Variants in SLC30A7 observed in about 807,000 individuals in gnomAD.
SLC30A7 encodes solute carrier family 30 member 7, also known as zinc transporter 7.
Under a neutral mutation model 46.0 loss-of-function variants are expected in SLC30A7, and 35 were observed. The ratio of observed to expected loss-of-function variants is 0.76; its 90% CI spans 0.58 to 1.01. The LOEUF is 1.01. Among genes scored for constraint, SLC30A7 ranks in the 50% least tolerant of loss-of-function variants. The probability of loss-of-function intolerance (pLI) is 0.00; values close to 1 mark genes in which losing one functional copy is unlikely to be tolerated. For synonymous variants in SLC30A7, 147 were observed against 157.8 expected, an observed-to-expected ratio of 0.93 and a Z score of 0.51; for missense variants, 464 against 451.1, an observed-to-expected ratio of 1.03 and a Z score of -0.26.
intron 7 of SLC30A7, among the ~76,000 whole-genome samples, chr1:100,921,001 T>C (rs951807464): frequency 6.6e-6 from 1 of 152,118 alleles, no homozygotes; most frequent in Non-Finnish European, 1.5e-5. Flanking sequence ...TAAATGGTTT[T>C]CTGGGCAACT....
chr1:100,948,790 T>C (rs1654787375), intron 8 of SLC30A7, among the ~76,000 whole-genome samples: 1 of 152,232 alleles, frequency 6.6e-6, no homozygotes, highest in South Asian at 2.1e-4. Flanking sequence ...ATTAATTTGA[T>C]CTTTAATCAC....
chr1:100,905,483 T>C (rs1246154108), intron 2 of SLC30A7, among the ~76,000 whole-genome samples: 1 of 152,098 alleles, frequency 6.6e-6, no homozygotes, highest in South Asian at 2.1e-4. Context: ...TTAAATACTT[T>C]TCCTATCCCT....
In SLC30A7 at chr1:100,911,606, A is replaced by G. The variant is rs1294409612; in HGVS notation, c.384+456A>G. ...CACTCTGTTGCCCAAGCTGGAGTGC[A>G]GTGGCGCGATCTCGGCTTACTGCAA... On this transcript the variant is annotated intron_variant, in intron 4 of 10. Transcript: ENST00000357650. 2.0e-5 allele frequency among the ~76,000 whole-genome samples: 3 copies of G among 152,302 alleles called. No individual in the cohort carries two copies. The East Asian group carries it at 5.8e-4, about 29-fold the overall frequency.
chr1:100,956,633 C>G (rs1455442519), intron 8 of SLC30A7, among the ~76,000 whole-genome samples: 2 of 152,116 alleles, frequency 1.3e-5, no homozygotes, highest in African/African-American at 4.8e-5. Context: ...TAGACTAAAC[C>G]TGAATATTCT....
At chr1:100,926,147 C>T (rs569249581) in intron 8 of SLC30A7, among the ~76,000 whole-genome samples, 1 of 152,186 alleles carries the variant, frequency 6.6e-6, no homozygotes, top group African/African-American at 2.4e-5. Flanking sequence ...CTGTAACTTA[C>T]ATAGATACAT....
the SLC30A7 span, chr1:100,992,542 C>T: frequency 1.2e-6 from 1 of 824,684 alleles, no homozygotes. Flanking sequence ...AATACTGACT[C>T]TTGCTTCCAT....
chr1:100,939,565 G>A (rs1654211548), intron 8 of SLC30A7, among the ~76,000 whole-genome samples: 3 of 151,900 alleles, frequency 2.0e-5, no homozygotes, highest in South Asian at 2.1e-4. Context: ...GGCCGGGCGC[G>A]GTGGCTCTCG....
rs548054832 is a variant in SLC30A7, at chr1:100,897,446, A to G, written c.182+775A>G. 6.6e-4 allele frequency among the ~76,000 whole-genome samples: 100 copies of G among 152,266 alleles called. 1 individual carries two copies. The highest frequency in any genetic ancestry group is 6.5e-4 in the Admixed American group (10 of 15,296). ...CTAGGTGTACTAATTCTGTCTTTAGATCCCATACTCCTTCAAAAATCTGAT... is the reference window on the plus strand; with the variant it reads ...CTAGGTGTACTAATTCTGTCTTTAGGTCCCATACTCCTTCAAAAATCTGAT... On this transcript the variant is annotated intron_variant, in intron 2 of 10. Transcript: ENST00000357650.
At chr1:100,983,237 G>A (rs1021207095), downstream of SLC30A7, among the ~76,000 whole-genome samples, 1 of 152,056 alleles carries the variant, frequency 6.6e-6, no homozygotes, top group Non-Finnish European at 1.5e-5. Context: ...ACAAGGAGGA[G>A]CAAACAGGTT....
intron 8 of SLC30A7, among the ~76,000 whole-genome samples, chr1:100,951,983 T>A (rs952163881): frequency 6.6e-6 from 1 of 151,746 alleles, no homozygotes. Flanking sequence ...GGCAGAAGAG[T>A]CAGAGTCAAA....
chr1:100,936,912 T>C (rs1653998667), intron 8 of SLC30A7, among the ~76,000 whole-genome samples: 1 of 152,340 alleles, frequency 6.6e-6, no homozygotes, highest in African/African-American at 2.4e-5. Flanking sequence ...ATTCACTTTG[T>C]AGTATATGTC....
At position 100,975,127 on chromosome 1, in the gene SLC30A7, T is replaced by A. The variant is rs1656394603; in HGVS notation, c.*270T>A. 1 of 329,402 alleles carries A rather than the reference T, an allele frequency of 3.0e-6. No homozygotes were observed. The highest frequency in any genetic ancestry group is 1.5e-4 in the South Asian group (1 of 6,524). 20.4% of individuals were successfully genotyped at this position (329,402 alleles called of 1,614,324 possible). A position where few individuals can be genotyped will look rare whatever the true frequency, so the allele number is the denominator to read the frequency against. ...CTTCTGAGGTTTTTAGCTTAGGATG[T>A]TAATTTGTCCTTTTGTCTTTCTTTT... On this transcript the variant is annotated 3_prime_UTR_variant, in exon 11 of 11. Coordinates refer to ENST00000357650, the MANE Select transcript of SLC30A7 (RefSeq NM_133496.5).
At chr1:100,990,012 C>A in the SLC30A7 span, 1 of 185,308 alleles carries the variant, frequency 5.4e-6, no homozygotes, top group African/African-American at 2.4e-5. Flanking sequence ...ATGCATGCAT[C>A]CAGGTATTAA....
chr1:100,900,351 T>G (rs913465921), intron 2 of SLC30A7, among the ~76,000 whole-genome samples: 2 of 152,250 alleles, frequency 1.3e-5, no homozygotes, highest in Non-Finnish European at 2.9e-5. Flanking sequence ...AAGAAATGTT[T>G]AAGACAATAC....
intron 10 of SLC30A7, 79 bp downstream of exon 10, chr1:100,965,997 A>G: frequency 7.9e-7 from 1 of 1,268,168 alleles, no homozygotes; most frequent in East Asian, 2.4e-5. Context: ...TTACAAGGCC[A>G]ATGTGAGAGG....
Position 100,896,767 on chromosome 1 carries a change from A to G in SLC30A7, c.182+96A>G, listed in dbSNP as rs186584630. 4.5e-3 allele frequency: 4,590 copies of G among 1,024,778 alleles called. 20 individuals carry two copies. Among genetic ancestry groups the G allele is most frequent in the Admixed American group, 8.8e-3 (439 of 50,128 alleles). 63.5% of individuals were successfully genotyped at this position (1,024,778 alleles called of 1,614,324 possible). Reference sequence around the variant, plus strand: ...CACGTAGCTCCTCACTAGGAGGTTCAGGTCCTACCTTTGTTACCTACCTCT... The same window carrying G: ...CACGTAGCTCCTCACTAGGAGGTTCGGGTCCTACCTTTGTTACCTACCTCT... On this transcript the variant is annotated intron_variant, in intron 2 of 10. Coordinates refer to ENST00000357650, the MANE Select transcript of SLC30A7 (RefSeq NM_133496.5).
chr1:100,933,663 G>A lies in SLC30A7; in HGVS notation c.842+11822G>A, dbSNP rs1653794455. On this transcript the variant is annotated intron_variant, in intron 8 of 10. Transcript: ENST00000357650. ...TCCCCACCTATGAGTGAGAACATGC[G>A]GTGTTTGGTTTTTTGTCCTTGCGAT... Among the ~76,000 whole-genome samples the A allele has an allele frequency of 2.0e-5, 3 of 152,210 alleles. 1 individual carries two copies.
At chr1:100,926,099 T>C (rs1653284683) in intron 8 of SLC30A7, among the ~76,000 whole-genome samples, 1 of 152,206 alleles carries the variant, frequency 6.6e-6, no homozygotes, top group African/African-American at 2.4e-5. Flanking sequence ...TTATTTGTCA[T>C]CCTTGTCTAG....
At position 100,967,474 on chromosome 1, in the gene SLC30A7, C is replaced by T. The variant is rs534460284; in HGVS notation, c.1083+1556C>T. ...AACAGACCATGGACCAGTACTGGCC[C>T]GTGGCCCAGGGGTTAGGGACCCCTG... On this transcript the variant is annotated intron_variant, in intron 10 of 10. Transcript: ENST00000357650. 3.5e-4 allele frequency among the ~76,000 whole-genome samples: 54 copies of T among 152,254 alleles called. 1 individual carries two copies. Among genetic ancestry groups the T allele is most frequent in the Admixed American group, 3.4e-3 (52 of 15,300 alleles).
Sources: allele counts gnomAD v4.1 joint callset (sites outside exome capture counted in the v4.1 genomes callset), GRCh38; gene constraint gnomAD v4.1.1; transcripts MANE v1.5; gene names NCBI Gene and HGNC (gene_info 2026-07-23, HGNC 2026-07-21).